NLGN1: variants seen among roughly 807,000 people sequenced by gnomAD.
NLGN1 encodes the protein neuroligin-1.
A neutral mutation model predicts 65.5 loss-of-function variants in NLGN1; 12 were observed. The observed-to-expected ratio is 0.18, with a 90% confidence interval of 0.12 to 0.30. The LOEUF is 0.30. Ranked by LOEUF, NLGN1 falls within the 10% of genes least tolerant of loss-of-function variation. The pLI is 1.00. For missense variants in NLGN1, 750 were observed against 1,007.1 expected (o/e 0.74, Z 3.46); for synonymous variants, 350 against 359.5 (o/e 0.97, Z 0.30).
chr3:174,268,099 T>TTTC (rs1453056042), intron 4 of NLGN1, among the ~76,000 whole-genome samples: 1 of 152,200 alleles, frequency 6.6e-6, no homozygotes, highest in Non-Finnish European at 1.5e-5. Flanking sequence ...GACATTGTCG[T>TTTC]TTCTTCAATG....
chr3:174,254,098 C>T (rs987867788), intron 4 of NLGN1, among the ~76,000 whole-genome samples: 1 of 152,108 alleles, frequency 6.6e-6, no homozygotes, highest in South Asian at 2.1e-4. Context: ...CGTTGGTAAA[C>T]AAGATTCCTT....
intron 4 of NLGN1, among the ~76,000 whole-genome samples, chr3:173,816,003 A>G (rs1209918836): frequency 1.4e-5 from 2 of 147,740 alleles, no homozygotes; most frequent in African/African-American, 5.0e-5. Context: ...AATTAATTAT[A>G]ATAGTTAATT....
chr3:173,557,653 G>A (rs1741931332), intron 2 of NLGN1, among the ~76,000 whole-genome samples: 2 of 151,964 alleles, frequency 1.3e-5, no homozygotes, highest in African/African-American at 4.8e-5. Context: ...ACTCATCACA[G>A]TCTACCTTGA....
intron 4 of NLGN1, among the ~76,000 whole-genome samples, chr3:174,272,693 A>AGATG (rs1553987255): frequency 8.4e-6 from 1 of 118,774 alleles, no homozygotes; most frequent in African/African-American, 3.2e-5. Flanking sequence ...ATAGATAGAT[A>AGATG]GATAGATAGA....
At position 173,991,562 on chromosome 3, in the gene NLGN1, A is replaced by G. The variant is rs1375258422; in HGVS notation, c.646+183730A>G. On this transcript the variant is annotated intron_variant, in intron 4 of 6. Transcript: ENST00000457714. The stretch of plus-strand genomic sequence containing the variant: ...TGTGGTTTGTGTAACCAGGGAATAG[A>G]TTTCTCAATTTTATCAAGTTTTAAT... Among the ~76,000 whole-genome samples, 3 of 152,164 alleles carry G rather than the reference A, an allele frequency of 2.0e-5. 1 individual carries two copies. The highest frequency in any genetic ancestry group is 7.2e-5 in the African/African-American group (3 of 41,446).
At chr3:174,097,457 A>G (rs950903172) in intron 4 of NLGN1, among the ~76,000 whole-genome samples, 2 of 152,184 alleles carry the variant, frequency 1.3e-5, no homozygotes, top group African/African-American at 4.8e-5. Flanking sequence ...AACCTTTAAA[A>G]TTATTTGAAT....
intron 2 of NLGN1, among the ~76,000 whole-genome samples, chr3:173,562,828 A>G (rs1559972668): frequency 6.6e-6 from 1 of 152,170 alleles, no homozygotes; most frequent in African/African-American, 2.4e-5. Context: ...CAGTTTTTCA[A>G]AGTCATGTCT....
chr3:174,183,050 A>C (rs1730733221), intron 4 of NLGN1, among the ~76,000 whole-genome samples: 1 of 152,022 alleles, frequency 6.6e-6, no homozygotes, highest in African/African-American at 2.4e-5. Flanking sequence ...CTGACTCTCT[A>C]GACTCAATTT....
intron 4 of NLGN1, among the ~76,000 whole-genome samples, chr3:174,124,426 C>G (rs1718414120): frequency 6.6e-6 from 1 of 151,320 alleles, no homozygotes; most frequent in Non-Finnish European, 1.5e-5. Context: ...ATAAAATCAC[C>G]ATAGTCCCTG....
chr3:173,956,503 T>A (rs1397652973), intron 4 of NLGN1, among the ~76,000 whole-genome samples: 1 of 152,210 alleles, frequency 6.6e-6, no homozygotes, highest in African/African-American at 2.4e-5. Flanking sequence ...TAAAATTTTA[T>A]GTGTCCTAAA....
intron 4 of NLGN1, among the ~76,000 whole-genome samples, chr3:174,253,460 C>G (rs780957564): frequency 2.0e-5 from 3 of 152,162 alleles, no homozygotes; most frequent in Non-Finnish European, 4.4e-5. Flanking sequence ...GATTCCCTCT[C>G]ATTTCACCTC....
intron 4 of NLGN1, among the ~76,000 whole-genome samples, chr3:174,142,040 C>T (rs1722378581): frequency 6.6e-6 from 1 of 152,088 alleles, no homozygotes; most frequent in Non-Finnish European, 1.5e-5. Flanking sequence ...TTCCCCCTAC[C>T]CTCACCTCTA....
At chr3:173,595,310 C>A (rs937055867) in intron 2 of NLGN1, among the ~76,000 whole-genome samples, 18 of 152,156 alleles carry the variant, frequency 1.2e-4, no homozygotes, top group African/African-American at 4.3e-4. Flanking sequence ...TCATCCCTCT[C>A]AAGTTCAAAA....
chr3:174,117,176 A>G (rs1345135751), intron 4 of NLGN1, among the ~76,000 whole-genome samples: 1 of 151,774 alleles, frequency 6.6e-6, no homozygotes, highest in East Asian at 1.9e-4. Context: ...TTTTGCTATC[A>G]TTCCCTTCAA....
At chr3:173,597,661 G>A (rs1479937660) in intron 2 of NLGN1, among the ~76,000 whole-genome samples, 4 of 148,318 alleles carry the variant, frequency 2.7e-5, no homozygotes, top group African/African-American at 1.0e-4. Flanking sequence ...AAAAAATATG[G>A]TTTGGTTATC....
rs548899940 is a variant in NLGN1 at position 174,273,054 on chromosome 3, A to C, written c.647-2261A>C. Among the ~76,000 whole-genome samples, 20 of 151,610 alleles carry C rather than the reference A, an allele frequency of 1.3e-4. No individual in the cohort carries two copies. In the South Asian group the frequency reaches 3.7e-3, roughly 28 times the overall value. On this transcript the variant is annotated intron_variant, in intron 4 of 6. Transcript: ENST00000457714. The stretch of plus-strand genomic sequence containing the variant: ...ATATAAACACAAAGCTATTTGACTA[A>C]AGAGTGCATCTATAACTGGAATTAC...
At chr3:173,907,145 C>T (rs896507621) in intron 4 of NLGN1, among the ~76,000 whole-genome samples, 1 of 152,106 alleles carries the variant, frequency 6.6e-6, no homozygotes, top group Non-Finnish European at 1.5e-5. Flanking sequence ...GCTTAGAAGG[C>T]AGGAAAGAGT....
intron 4 of NLGN1, among the ~76,000 whole-genome samples, chr3:173,969,513 GA>G (rs1715698422): frequency 3.9e-5 from 6 of 151,996 alleles, no homozygotes; most frequent in Non-Finnish European, 7.4e-5. Flanking sequence ...AGATAATTTA[GA>G]TACTAAATTA....
In NLGN1 at chr3:173,980,118, T is replaced by C. The variant is rs375917683; in HGVS notation, c.646+172286T>C. Among the ~76,000 whole-genome samples, 8 of 152,214 alleles carry C rather than the reference T, an allele frequency of 5.3e-5. 1 individual carries two copies. The East Asian group carries it at 1.2e-3, about 22-fold the overall frequency. On this transcript the variant is annotated intron_variant, in intron 4 of 6. Coordinates refer to ENST00000457714, the Ensembl canonical transcript of NLGN1. ...TACACTGGGTTGTACCAGCCACTTA[T>C]GCCTCTTGGACAAAATTAAGTCACT...
Sources: gnomAD v4.1 joint callset for allele counts (sites outside exome capture counted in the v4.1 genomes callset) on GRCh38, gnomAD v4.1.1 for gene constraint, MANE v1.5 for transcripts, NCBI Gene and HGNC (gene_info 2026-07-23, HGNC 2026-07-21) for gene names.